The following CCDC30 variants were observed in gnomAD, a reference collection of about 807,000 sequenced individuals.
The protein encoded by CCDC30 is coiled-coil domain-containing protein 30.
In CCDC30, 70 loss-of-function variants were observed where a neutral mutation model predicts 100.2. The observed-to-expected ratio is 0.70, with a 90% CI of 0.58 to 0.85. CCDC30 has a LOEUF of 0.85. Ranked by LOEUF, CCDC30 falls within the 40% of genes least tolerant of loss-of-function variation. The pLI is 0.00. For synonymous variants in CCDC30, 233 were observed against 269.5 expected, an observed-to-expected ratio of 0.86 and a Z score of 1.33; for missense variants, 652 against 771.2, an observed-to-expected ratio of 0.85 and a Z score of 1.83.
At chr1:42,625,941 A>C (rs1262007226) in intron 11 of CCDC30, among the ~76,000 whole-genome samples, 3 of 152,138 alleles carry the variant, frequency 2.0e-5, no homozygotes, top group Non-Finnish European at 4.4e-5. Context: ...CCAATGCTGA[A>C]AGTGAGGTGT....
chr1:42,462,064 A>C (rs141842630), upstream of CCDC30, among the ~76,000 whole-genome samples: 3 of 152,332 alleles, frequency 2.0e-5, no homozygotes, highest in South Asian at 6.2e-4. Context: ...GTTTGTCTTT[A>C]CCATAATTAT....
chr1:42,498,797 G>T, intron 5 of CCDC30, 21 bp from the exon 6 acceptor site: 4 of 1,144,218 alleles, frequency 3.5e-6, no homozygotes, highest in African/African-American at 1.6e-5. Flanking sequence ...AGTCTACAAG[G>T]TGTTTACTTT....
At chr1:42,587,339 A>G (rs1646093468) in intron 9 of CCDC30, among the ~76,000 whole-genome samples, 1 of 152,158 alleles carries the variant, frequency 6.6e-6, no homozygotes, top group Admixed American at 6.5e-5. Context: ...CTCAAATTTT[A>G]CTGCCAATAA....
chr1:42,650,570 T>C (rs1389701679), intron 15 of CCDC30, among the ~76,000 whole-genome samples: 1 of 150,124 alleles, frequency 6.7e-6, no homozygotes, highest in Non-Finnish European at 1.5e-5. Context: ...TAAAACAACA[T>C]GGGACTGGCA....
At position 42,642,052 on chromosome 1, in the gene CCDC30, C is replaced by T. The variant is rs536652718; in HGVS notation, c.1420-421C>T. Reference sequence around the variant, plus strand: ...CATCCTGGCTAACACGGTGAAACCCCATCTCTACTAAAAATACAAAAAACT... The same window carrying T: ...CATCCTGGCTAACACGGTGAAACCCTATCTCTACTAAAAATACAAAAAACT... On this transcript the variant is annotated intron_variant, in intron 12 of 16. Transcript: ENST00000668663. Among the ~76,000 whole-genome samples the T allele has an allele frequency of 3.7e-3, 567 of 152,010 alleles. 5 individuals carry two copies. The highest frequency in any genetic ancestry group is 4.3e-3 in the Non-Finnish European group (293 of 67,978).
chr1:42,613,157 A>G (rs1646656970), intron 11 of CCDC30, among the ~76,000 whole-genome samples: 2 of 152,236 alleles, frequency 1.3e-5, no homozygotes, highest in Admixed American at 1.3e-4. Flanking sequence ...TCTGCTCTAT[A>G]GACAGAGGCT....
intron 6 of CCDC30, among the ~76,000 whole-genome samples, chr1:42,546,184 G>A (rs1645127003): frequency 6.6e-6 from 1 of 150,432 alleles, no homozygotes; most frequent in South Asian, 2.1e-4. Flanking sequence ...CCAAGAGTTC[G>A]AGATCAGCAT....
At chr1:42,536,018 AT>A (rs58022432) in intron 6 of CCDC30, among the ~76,000 whole-genome samples, 2,026 of 151,828 alleles carry the variant, frequency 0.013, 45 homozygotes, top group African/African-American at 0.047. Context: ...TGTAAAAATA[AT>A]GTAATAATAA....
At chr1:42,457,049 G>C in the CCDC30 span, 11 of 1,599,244 alleles carry the variant, frequency 6.9e-6, no homozygotes, top group Admixed American at 1.8e-4. Context: ...GTTGCAGGCT[G>C]CGGCCCAGGC....
At chr1:42,594,737 A>G (rs1162351320) in intron 10 of CCDC30, 2 of 152,212 alleles carry the variant, frequency 1.3e-5, no homozygotes, top group Non-Finnish European at 2.9e-5. Flanking sequence ...TCTGAATAAA[A>G]TAAAAAAGAA....
downstream of CCDC30, among the ~76,000 whole-genome samples, chr1:42,656,276 C>G (rs1291483162): frequency 6.6e-6 from 1 of 152,168 alleles, no homozygotes; most frequent in African/African-American, 2.4e-5. Flanking sequence ...CAAGATTGGA[C>G]TGAGTCAAAG....
rs1643830327 is a variant in CCDC30 at position 42,473,395 on chromosome 1, A to G, written c.-91-7066A>G. On this transcript the variant is annotated intron_variant, in intron 1 of 16. Transcript: ENST00000668663. ...ACATATTAAAAACTAATGTTTGGCT[A>G]TCACTGTATAGTTTGAAAAGCACCC... The G allele has an allele frequency of 6.9e-6, 5 of 727,500 alleles. No individual in the cohort carries two copies. In the South Asian group the frequency reaches 3.5e-4, roughly 51 times the overall value. 45.1% of individuals were successfully genotyped at this position (727,500 alleles called of 1,614,324 possible). A position where few individuals can be genotyped will look rare whatever the true frequency, so the allele number is the denominator to read the frequency against.
intron 10 of CCDC30, among the ~76,000 whole-genome samples, chr1:42,600,440 C>T (rs1326883419): frequency 6.6e-6 from 1 of 152,134 alleles, no homozygotes; most frequent in Non-Finnish European, 1.5e-5. Flanking sequence ...CCACCATAAA[C>T]CAGCCAGATA....
chr1:42,457,716 G>A, the CCDC30 span: 1 of 192,540 alleles, frequency 5.2e-6, no homozygotes, highest in South Asian at 8.5e-5. Context: ...ACTTTGGGAG[G>A]CCAAGGAGGG....
intron 6 of CCDC30, among the ~76,000 whole-genome samples, chr1:42,564,736 A>G (rs140441448): frequency 1.3e-3 from 199 of 152,306 alleles, no homozygotes; most frequent in African/African-American, 4.5e-3. Flanking sequence ...TTTCAAGTAT[A>G]CAACACATTA....
chr1:42,641,573 A>G (rs935667966), intron 12 of CCDC30, among the ~76,000 whole-genome samples: 1 of 151,874 alleles, frequency 6.6e-6, no homozygotes, highest in Non-Finnish European at 1.5e-5. Flanking sequence ...AACAAAAAAA[A>G]ACAAAAAAAA....
intron 11 of CCDC30, among the ~76,000 whole-genome samples, chr1:42,621,497 T>TTTTATTTA (rs148757100): frequency 0.025 from 3,677 of 145,266 alleles, 87 homozygotes; most frequent in African/African-American, 0.061. Flanking sequence ...GTTTATTTTA[T>TTTTATTTA]TTTATTTATT....
intron 6 of CCDC30, among the ~76,000 whole-genome samples, chr1:42,515,207 C>CAAAAA (rs58531777): frequency 1.5e-5 from 2 of 136,810 alleles, no homozygotes; most frequent in African/African-American, 2.7e-5. Context: ...AGCTGCAAGC[C>CAAAAA]AAAAAAAAAA....
At chr1:42,610,199 C>A (rs1646590056) in intron 10 of CCDC30, among the ~76,000 whole-genome samples, 1 of 152,176 alleles carries the variant, frequency 6.6e-6, no homozygotes, top group Non-Finnish European at 1.5e-5. Flanking sequence ...TTACCAGCAA[C>A]TATAAGTGAT....
Sources: allele counts gnomAD v4.1 joint callset (sites outside exome capture counted in the v4.1 genomes callset), GRCh38; gene constraint gnomAD v4.1.1; transcripts MANE v1.5; gene names NCBI Gene and HGNC (gene_info 2026-07-23, HGNC 2026-07-21).